CACNA2D3: variants seen among roughly 807,000 people sequenced by gnomAD.
CACNA2D3 encodes the protein voltage-dependent calcium channel subunit alpha-2/delta-3.
A neutral mutation model predicts 160.6 loss-of-function variants in CACNA2D3; 60 were observed. That is an observed-to-expected ratio of 0.37 (90% confidence interval 0.30 to 0.46). CACNA2D3 has a LOEUF of 0.46. Among genes scored for constraint, CACNA2D3 ranks in the 20% least tolerant of loss-of-function variants. The probability of loss-of-function intolerance (pLI) is 1.00; values close to 1 mark genes in which losing one functional copy is unlikely to be tolerated. For missense variants in CACNA2D3, 1,205 were observed against 1,365.0 expected, an observed-to-expected ratio of 0.88 and a Z score of 1.85; for synonymous variants, 558 against 492.9, an observed-to-expected ratio of 1.13 and a Z score of -1.75.
intron 4 of CACNA2D3, among the ~76,000 whole-genome samples, chr3:54,501,328 G>T (rs530346633): frequency 6.6e-6 from 1 of 151,816 alleles, no homozygotes; most frequent in African/African-American, 2.4e-5. Context: ...TTATTATTTT[G>T]AACAAGCTGT....
intron 14 of CACNA2D3, among the ~76,000 whole-genome samples, chr3:54,818,488 TAAAACAAAGTTC>T (rs1703512428): frequency 6.6e-6 from 1 of 152,232 alleles, no homozygotes; most frequent in South Asian, 2.1e-4. Flanking sequence ...CATAGAATTG[TAAAACAAAGTTC>T]AAAACAAAGC....
intron 13 of CACNA2D3, among the ~76,000 whole-genome samples, chr3:54,804,879 A>T (rs893678457): frequency 3.3e-5 from 5 of 152,212 alleles, no homozygotes; most frequent in Non-Finnish European, 7.3e-5. Context: ...ATCAAACTAG[A>T]ACTCAGGATT....
intron 10 of CACNA2D3, among the ~76,000 whole-genome samples, chr3:54,628,299 G>A (rs1426753974): frequency 2.0e-5 from 3 of 152,226 alleles, no homozygotes; most frequent in East Asian, 3.9e-4. Context: ...GGCATGGGAC[G>A]GGAGAGTGAG....
intron 4 of CACNA2D3, among the ~76,000 whole-genome samples, chr3:54,445,832 C>T (rs991747621): frequency 3.9e-5 from 6 of 152,186 alleles, no homozygotes; most frequent in African/African-American, 1.4e-4. Flanking sequence ...TACTTCCAGC[C>T]ACTCCCTTGT....
rs761780261 is a variant in CACNA2D3, at chr3:54,924,741, A to G, written c.2449+24873A>G. 1.9e-6 allele frequency: 3 copies of G among 1,614,166 alleles called. No homozygotes were observed. The East Asian group carries it at 6.7e-5, about 36-fold the overall frequency. On this transcript the variant is annotated intron_variant, in intron 27 of 37. Coordinates refer to ENST00000474759, the MANE Select transcript of CACNA2D3 (RefSeq NM_018398.3). ...CATGGATTCCAGGAGCGCTCGATCAAGCTGCTGAAGCTGGTTTTGTTGAAC... is the reference window on the plus strand; with the variant it reads ...CATGGATTCCAGGAGCGCTCGATCAGGCTGCTGAAGCTGGTTTTGTTGAAC...
chr3:54,179,298 A>G (rs916880780), intron 2 of CACNA2D3, among the ~76,000 whole-genome samples: 2 of 152,212 alleles, frequency 1.3e-5, no homozygotes, highest in South Asian at 4.1e-4. Flanking sequence ...GATTACTGAC[A>G]TGCAGAAGGA....
intron 4 of CACNA2D3, among the ~76,000 whole-genome samples, chr3:54,475,809 T>TTTTGTGTGTGTGTGTG (rs1553690732): frequency 1.4e-5 from 2 of 142,726 alleles, no homozygotes; most frequent in African/African-American, 5.2e-5. Flanking sequence ...TGGTTACCAT[T>TTTTGTGTGTGTGTGTG]TGTGTGTGTG....
intron 17 of CACNA2D3, among the ~76,000 whole-genome samples, chr3:54,858,976 A>G (rs1026466919): frequency 6.6e-5 from 10 of 152,240 alleles, no homozygotes; most frequent in Non-Finnish European, 8.8e-5. Flanking sequence ...TTAAAAGATA[A>G]TTAGAGGTTT....
chr3:54,449,979 T>G (rs1296684382), intron 4 of CACNA2D3, among the ~76,000 whole-genome samples: 1 of 152,236 alleles, frequency 6.6e-6, no homozygotes, highest in Non-Finnish European at 1.5e-5. Flanking sequence ...ATAAATGTAA[T>G]AATTGGAAAC....
intron 2 of CACNA2D3, among the ~76,000 whole-genome samples, chr3:54,251,124 G>A (rs1422063517): frequency 2.0e-5 from 3 of 152,184 alleles, no homozygotes; most frequent in African/African-American, 7.2e-5. Context: ...GGTCAGATAA[G>A]TAGGGAGGTC....
chr3:54,654,854 G>A (rs1462180781), intron 11 of CACNA2D3, among the ~76,000 whole-genome samples: 1 of 152,162 alleles, frequency 6.6e-6, no homozygotes, highest in African/African-American at 2.4e-5. Flanking sequence ...TAGGATGAAG[G>A]CGTTGGGAAT....
At chr3:54,149,884 T>TCC (rs1700106817) in intron 2 of CACNA2D3, among the ~76,000 whole-genome samples, 1 of 31,948 alleles carries the variant, frequency 3.1e-5, no homozygotes, top group Admixed American at 4.0e-4. Flanking sequence ...GAAGTATCTG[T>TCC]CTCTCTCTCT....
At chr3:54,493,794 G>C (rs913640845) in intron 4 of CACNA2D3, among the ~76,000 whole-genome samples, 4 of 152,166 alleles carry the variant, frequency 2.6e-5, no homozygotes, top group African/African-American at 9.7e-5. Context: ...GTAATTTTCT[G>C]GTAAATGGCT....
intron 10 of CACNA2D3, chr3:54,637,901 G>A (rs972541013): frequency 6.6e-6 from 1 of 152,042 alleles, no homozygotes; most frequent in Non-Finnish European, 1.5e-5. Context: ...CCCGGGCTGC[G>A]GGCGTTCCTT....
chr3:54,521,281 AT>A (rs1319831212), intron 5 of CACNA2D3, among the ~76,000 whole-genome samples: 2 of 152,126 alleles, frequency 1.3e-5, no homozygotes, highest in Non-Finnish European at 2.9e-5. Flanking sequence ...TTTGATTTGT[AT>A]TTCTGTGATG....
intron 2 of CACNA2D3, among the ~76,000 whole-genome samples, chr3:54,297,603 T>C (rs954102984): frequency 2.6e-5 from 4 of 152,032 alleles, no homozygotes; most frequent in African/African-American, 4.8e-5. Context: ...TTGCTGAATA[T>C]GGTGGCAAGT....
intron 2 of CACNA2D3, among the ~76,000 whole-genome samples, chr3:54,140,645 C>T (rs1257004371): frequency 1.3e-5 from 2 of 152,220 alleles, no homozygotes; most frequent in Non-Finnish European, 2.9e-5. Context: ...CAGATCAGTG[C>T]CACCACTTAT....
intron 2 of CACNA2D3, among the ~76,000 whole-genome samples, chr3:54,291,728 G>C (rs1035422358): frequency 6.6e-6 from 1 of 152,268 alleles, no homozygotes; most frequent in Non-Finnish European, 1.5e-5. Context: ...AACTGTGATC[G>C]TGGAGCAGGT....
At chr3:54,213,743 A>T (rs1341752995) in intron 2 of CACNA2D3, among the ~76,000 whole-genome samples, 1 of 152,254 alleles carries the variant, frequency 6.6e-6, no homozygotes, top group Non-Finnish European at 1.5e-5. Context: ...TACTAGGAAA[A>T]GATAAATATG....
Sources: allele counts gnomAD v4.1 joint callset (sites outside exome capture counted in the v4.1 genomes callset), GRCh38; gene constraint gnomAD v4.1.1; transcripts MANE v1.5; gene names NCBI Gene and HGNC (gene_info 2026-07-23, HGNC 2026-07-21).